KCNB2: variants seen among roughly 807,000 people sequenced by gnomAD.
The protein encoded by KCNB2 is delayed rectifier potassium channel protein.
KCNB2 carries 15 observed loss-of-function variants against 61.5 expected under a neutral mutation model. That is an observed-to-expected ratio of 0.24 (90% CI 0.16 to 0.38). KCNB2 has a LOEUF of 0.38. Among genes scored for constraint, KCNB2 ranks in the 10% least tolerant of loss-of-function variants. The pLI, the probability that KCNB2 is intolerant of heterozygous loss-of-function variation, is 1.00. For missense variants in KCNB2, 828 were observed against 1,125.2 expected, an observed-to-expected ratio of 0.74 and a Z score of 3.78; for synonymous variants, 457 against 446.0, an observed-to-expected ratio of 1.02 and a Z score of -0.31.
rs200379239 is a variant in KCNB2 at position 72,719,005 on chromosome 8, ATAG to A, written c.579+150698_579+150700del. On this transcript the variant is annotated intron_variant, in intron 2 of 2. Coordinates refer to ENST00000523207, the MANE Select transcript of KCNB2 (RefSeq NM_004770.3). ...AATGTCAAGATAAGGGTTATGGCAA[ATAG>A]TAGTAACAAGAGACTTTAGAAAACA... Among the ~76,000 whole-genome samples the A allele has an allele frequency of 4.6e-3, 701 of 152,202 alleles. 7 individuals are homozygous for A. The highest frequency in any genetic ancestry group is 0.015 in the African/African-American group (643 of 41,528).
At chr8:72,694,696 T>G (rs1047585573) in intron 2 of KCNB2, among the ~76,000 whole-genome samples, 3 of 152,080 alleles carry the variant, frequency 2.0e-5, no homozygotes, top group Admixed American at 1.3e-4. Flanking sequence ...ATTACCTTTA[T>G]TATCAATCTG....
chr8:72,752,736 T>C (rs1808214602), intron 2 of KCNB2, among the ~76,000 whole-genome samples: 1 of 152,204 alleles, frequency 6.6e-6, no homozygotes, highest in Non-Finnish European at 1.5e-5. Context: ...TATAGATATA[T>C]TTCCCATTGG....
intron 2 of KCNB2, among the ~76,000 whole-genome samples, chr8:72,755,430 T>C (rs972274229): frequency 6.6e-6 from 1 of 152,244 alleles, no homozygotes; most frequent in Non-Finnish European, 1.5e-5. Context: ...GAAGACATGA[T>C]GTAGGGGGAC....
intron 2 of KCNB2, among the ~76,000 whole-genome samples, chr8:72,888,837 A>G (rs909444679): frequency 6.6e-6 from 1 of 152,234 alleles, no homozygotes; most frequent in Non-Finnish European, 1.5e-5. Flanking sequence ...ATAGAAAAAT[A>G]ACAGTATAAA....
intron 2 of KCNB2, among the ~76,000 whole-genome samples, chr8:72,771,830 T>C (rs974006014): frequency 6.6e-6 from 1 of 151,996 alleles, no homozygotes; most frequent in Admixed American, 6.6e-5. Flanking sequence ...GCCTTGAAAT[T>C]TGAGAGGTAA....
At chr8:72,561,777 GGATATATATATACATA>G (rs1563523642) in intron 1 of KCNB2, among the ~76,000 whole-genome samples, 3 of 29,998 alleles carry the variant, frequency 1.0e-4, no homozygotes, top group African/African-American at 2.2e-4. Flanking sequence ...ATATATATAT[GGATATATATATACATA>G]TATATATATA....
At chr8:72,658,103 T>G (rs1001515045) in intron 2 of KCNB2, among the ~76,000 whole-genome samples, 1 of 152,024 alleles carries the variant, frequency 6.6e-6, no homozygotes, top group Non-Finnish European at 1.5e-5. Flanking sequence ...AATCACAAAC[T>G]AGAAATGATT....
At chr8:72,826,521 C>T (rs142990132) in intron 2 of KCNB2, among the ~76,000 whole-genome samples, 55 of 152,116 alleles carry the variant, frequency 3.6e-4, no homozygotes, top group South Asian at 2.1e-3. Flanking sequence ...CCGTACCTCA[C>T]GGAGGAAAGA....
At position 72,936,641 on chromosome 8, in the gene KCNB2, G is replaced by A; in HGVS notation, c.1286G>A (p.Arg429His). The stretch of plus-strand genomic sequence containing the variant: ...TCTGAGTTTTACAAGGAGCAGAAAC[G>A]CCAAGAGAAAGCAATTAAAAGGAGG... ...NFSEFYKEQK[R>H]QEKAIKRREA... The change falls in exon 3 of 3, where the codon CGC becomes CAC. Residue 429 changes from arginine (R) to histidine (H), a missense_variant. Coordinates refer to ENST00000523207, the MANE Select transcript of KCNB2 (RefSeq NM_004770.3). This position sits in a 1 kb window ranked among gnomAD's most constrained non-coding sequence, Gnocchi z 5.6. 6.2e-7 allele frequency: 1 copy of A among 1,614,104 alleles called. No individual in the cohort carries two copies. The highest frequency in any genetic ancestry group is 8.5e-7 in the Non-Finnish European group (1 of 1,180,010).
intron 2 of KCNB2, among the ~76,000 whole-genome samples, chr8:72,618,049 A>C (rs1805649553): frequency 6.6e-6 from 1 of 152,152 alleles, no homozygotes; most frequent in African/African-American, 2.4e-5. Flanking sequence ...TCACCTTGGT[A>C]CCTGCACACA....
At chr8:72,654,174 G>A (rs1371611720) in intron 2 of KCNB2, among the ~76,000 whole-genome samples, 1 of 152,164 alleles carries the variant, frequency 6.6e-6, no homozygotes, top group Non-Finnish European at 1.5e-5. Context: ...ACTGGGCTCT[G>A]ACTTCAGGTT....
rs568807137 is a variant in KCNB2, at chr8:72,736,218, A to G, written c.579+167905A>G. On this transcript the variant is annotated intron_variant, in intron 2 of 2. Transcript: ENST00000523207. The stretch of plus-strand genomic sequence containing the variant: ...AAATATAAATGATTTGGATTCTCTG[A>G]TGGCCATATTATACAAATTCAATAT... Among the ~76,000 whole-genome samples the G allele has an allele frequency of 8.4e-4, 128 of 152,202 alleles. 1 individual carries two copies. Among genetic ancestry groups the G allele is most frequent in the African/African-American group, 3.0e-3 (125 of 41,546 alleles).
At chr8:72,550,432 A>G (rs1389757204) in intron 1 of KCNB2, among the ~76,000 whole-genome samples, 2 of 152,180 alleles carry the variant, frequency 1.3e-5, no homozygotes, top group African/African-American at 4.8e-5. Context: ...CTGCCTGAAA[A>G]CAAACATAGA....
chr8:72,760,626 T>G (rs759631921), intron 2 of KCNB2, among the ~76,000 whole-genome samples: 1 of 152,200 alleles, frequency 6.6e-6, no homozygotes, highest in Non-Finnish European at 1.5e-5. Flanking sequence ...AAATGAAATT[T>G]AAAAACTATT....
At chr8:72,916,247 A>T (rs535430169) in intron 2 of KCNB2, among the ~76,000 whole-genome samples, 2 of 152,280 alleles carry the variant, frequency 1.3e-5, no homozygotes, top group South Asian at 4.2e-4. Flanking sequence ...AATATAAAAG[A>T]TTATTGATTA....
intron 2 of KCNB2, among the ~76,000 whole-genome samples, chr8:72,677,223 C>G (rs1282927937): frequency 6.6e-6 from 1 of 152,174 alleles, no homozygotes; most frequent in Non-Finnish European, 1.5e-5. Flanking sequence ...TCAGAGCAGT[C>G]ATAGTCCTGC....
intron 2 of KCNB2, among the ~76,000 whole-genome samples, chr8:72,686,983 T>G (rs1265402715): frequency 6.6e-6 from 1 of 152,232 alleles, no homozygotes; most frequent in Non-Finnish European, 1.5e-5. Flanking sequence ...TGGAGAAATC[T>G]GATTCACAGG....
intron 2 of KCNB2, among the ~76,000 whole-genome samples, chr8:72,622,357 A>C (rs751550435): frequency 7.9e-5 from 12 of 152,238 alleles, no homozygotes; most frequent in Non-Finnish European, 1.5e-4. Context: ...AAGAGTATTG[A>C]GACTAATTGG....
In KCNB2 at chr8:72,907,250, G is replaced by A. The variant is rs554642580; in HGVS notation, c.580-28685G>A. Among the ~76,000 whole-genome samples, 558 of 152,138 alleles carry A rather than the reference G, an allele frequency of 3.7e-3. 4 individuals are homozygous for A. Among genetic ancestry groups the A allele is most frequent in the African/African-American group, 0.013 (525 of 41,502 alleles). ...CACACGCCTGTAGTTCCAGCTACTC[G>A]GGAGTCTGAGGCAGGAAAATCACTT... On this transcript the variant is annotated intron_variant, in intron 2 of 2. Coordinates refer to ENST00000523207, the MANE Select transcript of KCNB2 (RefSeq NM_004770.3).
Sources: allele counts gnomAD v4.1 joint callset (sites outside exome capture counted in the v4.1 genomes callset), GRCh38; gene constraint gnomAD v4.1.1; non-coding constraint Gnocchi (gnomAD v3.1); transcripts MANE v1.5; gene names NCBI Gene and HGNC (gene_info 2026-07-23, HGNC 2026-07-21).